Variants in CFAP47 observed in about 807,000 individuals in gnomAD.
The protein encoded by CFAP47 is cilia and flagella associated protein 47.
In CFAP47, 29 loss-of-function variants were observed where a neutral mutation model predicts 148.1. The observed-to-expected ratio is 0.20, with a 90% CI of 0.15 to 0.27. The LOEUF (loss-of-function observed/expected upper bound fraction) is 0.27, where lower values mean the gene tolerates loss of function less well. CFAP47 is among the 10% of genes least tolerant of loss of function. The pLI, the probability that CFAP47 is intolerant of heterozygous loss-of-function variation, is 1.00. For synonymous variants in CFAP47, 664 were observed against 577.3 expected, an observed-to-expected ratio of 1.15 and a Z score of -2.15; for missense variants, 1,872 against 1,697.5, an observed-to-expected ratio of 1.10 and a Z score of -1.81.
chrX:36,105,062 A>G (rs1336843358), intron 33 of CFAP47, among the ~76,000 whole-genome samples: 2 of 111,809 alleles, frequency 1.8e-5, no homozygotes, highest in Admixed American at 9.5e-5. Flanking sequence ...AAAATCTCCT[A>G]GAAAAAATTT....
intron 13 of CFAP47, among the ~76,000 whole-genome samples, chrX:35,973,184 CATTT>C (rs745981962): frequency 7.2e-5 from 8 of 110,997 alleles, no homozygotes; most frequent in African/African-American, 2.6e-4. Flanking sequence ...ATTCTTTACC[CATTT>C]ATTTATTTAT....
intron 57 of CFAP47, among the ~76,000 whole-genome samples, chrX:36,344,024 G>T (rs1277082857): frequency 9.6e-6 from 1 of 103,722 alleles, no homozygotes; most frequent in African/African-American, 3.5e-5. Context: ...GTCTATCATT[G>T]TTGGACATTT....
At chrX:36,339,875 C>T (rs782114612) in intron 57 of CFAP47, among the ~76,000 whole-genome samples, 1 of 112,000 alleles carries the variant, frequency 8.9e-6, no homozygotes, top group Non-Finnish European at 1.9e-5. Flanking sequence ...AACCCCAAAA[C>T]CTACTTAAAA....
At chrX:35,990,372 T>C (rs1936774626) in intron 16 of CFAP47, among the ~76,000 whole-genome samples, 2 of 111,542 alleles carry the variant, frequency 1.8e-5, no homozygotes, top group South Asian at 3.7e-4. Flanking sequence ...CTTTGGCTAC[T>C]GCTTGCTTTC....
intron 45 of CFAP47, among the ~76,000 whole-genome samples, chrX:36,225,984 T>C (rs782795811): frequency 3.6e-5 from 4 of 112,011 alleles, no homozygotes; most frequent in Non-Finnish European, 7.5e-5. Flanking sequence ...TTGCAGGCAA[T>C]TGGGACTCAG....
chrX:35,958,607 C>T (rs983885555), intron 8 of CFAP47, among the ~76,000 whole-genome samples: 31 of 111,827 alleles, frequency 2.8e-4, no homozygotes, highest in African/African-American at 9.4e-4. Context: ...TTATGGTTTT[C>T]ATTTAAATAT....
chrX:36,045,264 G>A (rs1357497267), intron 25 of CFAP47, among the ~76,000 whole-genome samples: 1 of 111,555 alleles, frequency 9.0e-6, no homozygotes, highest in African/African-American at 3.3e-5. Flanking sequence ...GTGTTTTGAG[G>A]GTTTTTGTCC....
chrX:36,071,746 T>C, intron 27 of CFAP47, 79 bp from the exon 28 acceptor site: 1 of 873,770 alleles, frequency 1.1e-6, no homozygotes, highest in Non-Finnish European at 1.6e-6. Flanking sequence ...AGATAATAGA[T>C]AAACTCAGGT....
intron 35 of CFAP47, chrX:36,144,822 C>T: frequency 9.8e-7 from 1 of 1,022,251 alleles, no homozygotes. Context: ...CCAGGTTTTT[C>T]AGCCTTTGGA....
chrX:36,149,293 ATG>A (rs1939276381), intron 37 of CFAP47, 70 bp downstream of exon 37: 1 of 280,834 alleles, frequency 3.6e-6, no homozygotes, highest in East Asian at 5.1e-5. Flanking sequence ...TAATTATAAA[ATG>A]TGACTTTGAT....
chrX:35,970,750 G>T lies in CFAP47; in HGVS notation c.1815-18G>T. On this transcript the variant is annotated intron_variant, in intron 10 of 63. Transcript: ENST00000378653. ...AATGCATATATAAAAATATTAACAT[G>T]ACTTGCTTATATTGCAGGCCAATTT... is the stretch of plus-strand genomic sequence containing the variant. 2 of 1,138,434 alleles carry T rather than the reference G, an allele frequency of 1.8e-6. No homozygotes were observed. The highest frequency in any genetic ancestry group is 4.1e-5 in the South Asian group (2 of 48,217). The allele number at this position is 1,138,434 out of a possible 1,213,427, so 93.8% of individuals were successfully genotyped here.
intron 57 of CFAP47, among the ~76,000 whole-genome samples, chrX:36,331,040 G>A (rs933644938): frequency 1.8e-5 from 2 of 111,391 alleles, no homozygotes; most frequent in Non-Finnish European, 3.8e-5. Context: ...AGAAAGAGTT[G>A]TCTGTATTAA....
intron 49 of CFAP47, among the ~76,000 whole-genome samples, chrX:36,258,255 T>A (rs1334011062): frequency 1.8e-5 from 2 of 112,069 alleles, no homozygotes; most frequent in Non-Finnish European, 3.8e-5. Flanking sequence ...TTGTAAAAGA[T>A]CCCCAAACCA....
At chrX:36,160,865 T>G (rs1400189882) in intron 39 of CFAP47, 96 bp downstream of exon 39, 1 of 246,685 alleles carries the variant, frequency 4.1e-6, no homozygotes, top group Non-Finnish European at 7.1e-6. Context: ...TTTTTTTTTT[T>G]TTTTGAGACA....
At position 36,361,480 on chromosome X, in the gene CFAP47, T is replaced by G; in HGVS notation, c.9002T>G (p.Phe3001Cys). 9.5e-7 allele frequency: 1 copy of G among 1,053,760 alleles called. No individual in the cohort carries two copies. The highest frequency in any genetic ancestry group is 1.3e-6 in the Non-Finnish European group (1 of 787,470). 86.8% of individuals were successfully genotyped at this position (1,053,760 alleles called of 1,213,427 possible). ...ATAACATTTATCTTCAATCTGGTAT[T>G]CACACCAAAGAAACCATTAAGGTAA... ...KRITFIFNLV[F>C]TPKKPLRSHI... The change falls in exon 61 of 64, where the codon TTC becomes TGC. Residue 3001 changes from phenylalanine to cysteine, a missense_variant. Physicochemically the swap from Phe to Cys is radical, Grantham distance 205. Transcript: ENST00000378653.
chrX:35,933,623 GT>G (rs1456655485), intron 2 of CFAP47, among the ~76,000 whole-genome samples: 1 of 111,816 alleles, frequency 8.9e-6, no homozygotes, highest in Non-Finnish European at 1.9e-5. Context: ...TTTATTTATA[GT>G]TTTTTGAGGA....
At chrX:36,142,226 C>T (rs2146834917) in intron 35 of CFAP47, among the ~76,000 whole-genome samples, 1 of 111,210 alleles carries the variant, frequency 9.0e-6, no homozygotes, top group African/African-American at 3.3e-5. Context: ...AACTCAAGAT[C>T]TTATCACCCC....
intron 19 of CFAP47, among the ~76,000 whole-genome samples, chrX:35,998,951 C>CTTATT (rs111487521): frequency 0.25 from 27,591 of 110,177 alleles, 4,775 homozygotes; most frequent in African/African-American, 0.61. Flanking sequence ...TCAATATTCC[C>CTTATT]TTATAGCATT....
Position 36,385,073 on chromosome X carries a change from A to G in CFAP47, c.*67A>G. The G allele has an allele frequency of 1.4e-6, 1 of 716,368 alleles. No homozygotes were observed. Among genetic ancestry groups the G allele is most frequent in the Non-Finnish European group, 2.1e-6 (1 of 474,593 alleles). 59.0% of individuals were successfully genotyped at this position (716,368 alleles called of 1,213,427 possible). On this transcript the variant is annotated 3_prime_UTR_variant, in exon 64 of 64. Coordinates refer to ENST00000378653, the MANE Select transcript of CFAP47 (RefSeq NM_001304548.2). ...GATGACTATTATTTCATCTTTTGGA[A>G]TATTTCTGAGGAATAATGGTTTAAT...
Sources: allele counts gnomAD v4.1 joint callset (sites outside exome capture counted in the v4.1 genomes callset), GRCh38; gene constraint gnomAD v4.1.1; transcripts MANE v1.5; gene names NCBI Gene and HGNC (gene_info 2026-07-23, HGNC 2026-07-21).